Variants in ERBB4 observed in about 807,000 individuals in gnomAD.
The protein encoded by ERBB4 is receptor tyrosine-protein kinase erbB-4.
ERBB4 carries 42 observed loss-of-function variants against 158.0 expected under a neutral mutation model. The ratio of observed to expected loss-of-function variants is 0.27; its 90% CI spans 0.21 to 0.34. The LOEUF (loss-of-function observed/expected upper bound fraction) is 0.34. Among genes scored for constraint, ERBB4 ranks in the 10% least tolerant of loss-of-function variants. The probability of loss-of-function intolerance (pLI) is 1.00; values close to 1 mark genes in which losing one functional copy is unlikely to be tolerated. For missense variants in ERBB4, 1,333 were observed against 1,624.1 expected (o/e 0.82, Z 3.08); for synonymous variants, 583 against 558.7 (o/e 1.04, Z -0.61).
chr2:212,187,903 T>TA (rs2082063149), intron 1 of ERBB4, among the ~76,000 whole-genome samples: 1 of 152,170 alleles, frequency 6.6e-6, no homozygotes, highest in South Asian at 2.1e-4. Flanking sequence ...GGCAATATGT[T>TA]ACCACTCATT....
intron 20 of ERBB4, among the ~76,000 whole-genome samples, chr2:211,504,916 A>G (rs1489692235): frequency 6.6e-6 from 1 of 152,152 alleles, no homozygotes; most frequent in Non-Finnish European, 1.5e-5. Flanking sequence ...AATAATTTTT[A>G]AAAACAAGCA....
intron 1 of ERBB4, among the ~76,000 whole-genome samples, chr2:212,433,558 A>T (rs950778795): frequency 6.6e-6 from 1 of 152,028 alleles, no homozygotes; most frequent in Non-Finnish European, 1.5e-5. Context: ...TTCCTTTAAT[A>T]CAACTTTCAG....
At chr2:212,146,259 C>T (rs985436372) in intron 1 of ERBB4, among the ~76,000 whole-genome samples, 1 of 152,130 alleles carries the variant, frequency 6.6e-6, no homozygotes, top group African/African-American at 2.4e-5. Flanking sequence ...TTCTCTTATC[C>T]TGAATGGTGA....
chr2:211,961,976 T>C (rs1433052289), intron 2 of ERBB4, among the ~76,000 whole-genome samples: 1 of 152,032 alleles, frequency 6.6e-6, no homozygotes, highest in Admixed American at 6.6e-5. Context: ...TCTATACAAG[T>C]AAGAATGGTG....
intron 22 of ERBB4, among the ~76,000 whole-genome samples, chr2:211,427,716 C>CA: frequency 6.6e-6 from 1 of 152,100 alleles, no homozygotes; most frequent in East Asian, 1.9e-4. Context: ...AAGAAACCCA[C>CA]AAAAAAGTTG....
chr2:211,484,575 G>C (rs187785572), intron 20 of ERBB4, among the ~76,000 whole-genome samples: 2 of 152,260 alleles, frequency 1.3e-5, no homozygotes, highest in East Asian at 1.9e-4. Flanking sequence ...ATATGAGACA[G>C]AGTAGATTTC....
At chr2:211,401,597 T>C (rs965025490) in intron 25 of ERBB4, among the ~76,000 whole-genome samples, 11 of 152,190 alleles carry the variant, frequency 7.2e-5, no homozygotes, top group Non-Finnish European at 1.0e-4. Context: ...TAGGAAATAT[T>C]TGAACTCTCA....
chr2:211,970,112 C>A lies in ERBB4; in HGVS notation c.235-22496G>T, dbSNP rs540347981. Among the ~76,000 whole-genome samples, 3 of 152,168 alleles carry A rather than the reference C, an allele frequency of 2.0e-5. No individual in the cohort carries two copies. The East Asian group carries it at 5.8e-4, about 29-fold the overall frequency. ...ATGGTATCTTTGTTCTCATTAGTTT[C>A]AAAAACTTCTTGAATTCTGCATAAT... On this transcript the variant is annotated intron_variant, in intron 2 of 27. Transcript: ENST00000342788.
At chr2:211,565,660 C>T (rs1351192283) in intron 19 of ERBB4, among the ~76,000 whole-genome samples, 1 of 152,200 alleles carries the variant, frequency 6.6e-6, no homozygotes, top group South Asian at 2.1e-4. Context: ...TTCAGCTGTG[C>T]CTTACAAGAG....
Position 212,508,574 on chromosome 2 carries a change from A to G in ERBB4, c.82+29875T>C, listed in dbSNP as rs556619834. ...CTCTATATACTTATGAAAAACTTAT[A>G]TAAGAATCAACAGTTGAAATACAAT... On this transcript the variant is annotated intron_variant, in intron 1 of 27. Coordinates refer to ENST00000342788, the MANE Select transcript of ERBB4 (RefSeq NM_005235.3). 2.0e-5 allele frequency among the ~76,000 whole-genome samples: 3 copies of G among 151,714 alleles called. No homozygotes were observed. The South Asian group carries it at 6.3e-4, about 32-fold the overall frequency.
chr2:211,947,884 A>G (rs894806530), intron 2 of ERBB4, among the ~76,000 whole-genome samples: 2 of 152,198 alleles, frequency 1.3e-5, no homozygotes, highest in Non-Finnish European at 1.5e-5. Flanking sequence ...GACCTTCTTC[A>G]TACCTGAGAT....
chr2:211,773,631 T>TAAA lies in ERBB4; in HGVS notation c.556+14393_556+14394insTTT, dbSNP rs1553630488. Among the ~76,000 whole-genome samples, 8 of 91,232 alleles carry TAAA rather than the reference T, an allele frequency of 8.8e-5. 1 individual carries two copies. The highest frequency in any genetic ancestry group is 5.6e-4 in the African/African-American group (8 of 14,350). 59.9% of individuals were successfully genotyped at this position (91,232 alleles called of 152,430 possible). ...ATATATATATATATATATATATATA[T>TAAA]ATATATATATATATATAATATATAT... is the stretch of plus-strand genomic sequence containing the variant. On this transcript the variant is annotated intron_variant, in intron 4 of 27. Transcript: ENST00000342788.
At chr2:211,437,738 A>G (rs138243611) in intron 20 of ERBB4, among the ~76,000 whole-genome samples, 1,697 of 143,548 alleles carry the variant, frequency 0.012, 30 homozygotes, top group African/African-American at 0.042. Flanking sequence ...CTCTAGAGTT[A>G]GCAAGAGAGC....
chr2:211,851,220 G>T (rs904091222), intron 3 of ERBB4, among the ~76,000 whole-genome samples: 1 of 151,778 alleles, frequency 6.6e-6, no homozygotes, highest in African/African-American at 2.4e-5. Flanking sequence ...AAATTCACAA[G>T]TGAAATAACC....
chr2:212,177,474 G>A (rs999914002), intron 1 of ERBB4, among the ~76,000 whole-genome samples: 1 of 151,826 alleles, frequency 6.6e-6, no homozygotes, highest in African/African-American at 2.4e-5. Flanking sequence ...GTATATAGCA[G>A]CTTTCTAGCT....
chr2:212,478,630 C>T (rs1689528409), intron 1 of ERBB4, among the ~76,000 whole-genome samples: 1 of 151,864 alleles, frequency 6.6e-6, no homozygotes, highest in African/African-American at 2.4e-5. Context: ...GTTCCAGGTC[C>T]CTGATGCCAG....
chr2:211,950,498 T>C lies in ERBB4; in HGVS notation c.235-2882A>G, dbSNP rs191512255. On this transcript the variant is annotated intron_variant, in intron 2 of 27. Coordinates refer to ENST00000342788, the MANE Select transcript of ERBB4 (RefSeq NM_005235.3). The stretch of plus-strand genomic sequence containing the variant: ...TCTGTCAAAATGGGAAAATATAACA[T>C]TTTATTTAGTAATCTCTAGTTGGTT... 7.9e-4 allele frequency among the ~76,000 whole-genome samples: 121 copies of C among 152,290 alleles called. 1 individual carries two copies. Among genetic ancestry groups the C allele is most frequent in the Non-Finnish European group, 1.6e-3 (107 of 68,034 alleles).
chr2:211,618,886 A>C (rs2069490036), intron 19 of ERBB4, among the ~76,000 whole-genome samples: 1 of 152,064 alleles, frequency 6.6e-6, no homozygotes, highest in Non-Finnish European at 1.5e-5. Flanking sequence ...AAATTTAAGA[A>C]CATTACATGT....
In ERBB4 at chr2:212,411,297, A is replaced by G. The variant is rs191390697; in HGVS notation, c.82+127152T>C. 1.6e-3 allele frequency among the ~76,000 whole-genome samples: 240 copies of G among 152,218 alleles called. 1 individual carries two copies. Among genetic ancestry groups the G allele is most frequent in the Non-Finnish European group, 3.2e-4 (22 of 68,006 alleles). Reference sequence around the variant, plus strand: ...AGCAGTCCTTAAATGCCTCTTATCAACTTCAGCTACATCATCTTAATAACT... The same window carrying G: ...AGCAGTCCTTAAATGCCTCTTATCAGCTTCAGCTACATCATCTTAATAACT... On this transcript the variant is annotated intron_variant, in intron 1 of 27. Coordinates refer to ENST00000342788, the MANE Select transcript of ERBB4 (RefSeq NM_005235.3).
Sources: gnomAD v4.1 joint callset for allele counts (sites outside exome capture counted in the v4.1 genomes callset) on GRCh38, gnomAD v4.1.1 for gene constraint, MANE v1.5 for transcripts, NCBI Gene and HGNC (gene_info 2026-07-23, HGNC 2026-07-21) for gene names.